RPS6KC1: variants seen among roughly 807,000 people sequenced by gnomAD.
The protein encoded by RPS6KC1 is ribosomal protein S6 kinase C1, also known as inactive ribosomal protein S6 kinase delta-1.
A neutral mutation model predicts 103.8 loss-of-function variants in RPS6KC1; 54 were observed. That is an observed-to-expected ratio of 0.52 (90% CI 0.42 to 0.65). RPS6KC1 has a LOEUF of 0.65. Among genes scored for constraint, RPS6KC1 ranks in the 30% least tolerant of loss-of-function variants. RPS6KC1 has a pLI of 0.00. For synonymous variants in RPS6KC1, 439 were observed against 438.7 expected, an observed-to-expected ratio of 1.00 and a Z score of -0.01; for missense variants, 1,151 against 1,253.8, an observed-to-expected ratio of 0.92 and a Z score of 1.24.
the RPS6KC1 span, among the ~76,000 whole-genome samples, chr1:213,572,192 G>C: frequency 6.6e-6 from 1 of 152,200 alleles, no homozygotes; most frequent in African/African-American, 2.4e-5. Flanking sequence ...GAGAGGTCTC[G>C]GAGGCCAAGC....
At chr1:213,524,587 C>A in the RPS6KC1 span, among the ~76,000 whole-genome samples, 3 of 152,186 alleles carry the variant, frequency 2.0e-5, no homozygotes, top group Admixed American at 2.0e-4. Context: ...AAAGTATGGG[C>A]TTCAGAGTCT....
chr1:213,194,673 T>C (rs1348470101), intron 8 of RPS6KC1, among the ~76,000 whole-genome samples: 6 of 152,186 alleles, frequency 3.9e-5, no homozygotes, highest in Non-Finnish European at 8.8e-5. Flanking sequence ...TAGATTCTCA[T>C]AGGAGCGCAA....
chr1:213,237,543 G>C (rs2094250289), intron 10 of RPS6KC1, among the ~76,000 whole-genome samples: 1 of 151,782 alleles, frequency 6.6e-6, no homozygotes, highest in Non-Finnish European at 1.5e-5. Flanking sequence ...TATTTTTTGA[G>C]AATTATATGT....
rs1348618234 is a variant in RPS6KC1 at position 213,232,117 on chromosome 1, T to C, written c.1093-6T>C. 2.5e-6 allele frequency: 4 copies of C among 1,613,460 alleles called. No individual in the cohort carries two copies. In the African/African-American group the frequency reaches 5.3e-5, roughly 22 times the overall value. ...GGATACAACTGACCTTTTTGTTCTC[T>C]GTCAGGGTCTAAGGAAAAGCAGTGA... On this transcript the variant is annotated splice_region_variant and splice_polypyrimidine_tract_variant and intron_variant, in intron 9 of 14. Transcript: ENST00000366960.
At chr1:213,620,698 T>C in the RPS6KC1 span, among the ~76,000 whole-genome samples, 1 of 152,244 alleles carries the variant, frequency 6.6e-6, no homozygotes, top group Non-Finnish European at 1.5e-5. Context: ...ACATAGTTGT[T>C]ACATTTTTAG....
the RPS6KC1 span, among the ~76,000 whole-genome samples, chr1:213,767,818 T>C: frequency 6.6e-6 from 1 of 152,170 alleles, no homozygotes; most frequent in Non-Finnish European, 1.5e-5. Flanking sequence ...TGGTGCTGGG[T>C]CAGACATCAT....
chr1:213,673,635 G>C, the RPS6KC1 span, among the ~76,000 whole-genome samples: 2 of 150,866 alleles, frequency 1.3e-5, no homozygotes, highest in Admixed American at 6.5e-5. Context: ...GCCTCAAAGA[G>C]AGAGAAGTAC....
At chr1:213,274,810 C>T (rs541386992), downstream of RPS6KC1, 1 of 151,928 alleles carries the variant, frequency 6.6e-6, no homozygotes, top group South Asian at 2.1e-4. Flanking sequence ...GTAAAATATA[C>T]ATAACATAAA....
At chr1:213,312,046 C>T in the RPS6KC1 span, among the ~76,000 whole-genome samples, 655 of 152,036 alleles carry the variant, frequency 4.3e-3, 5 homozygotes, top group African/African-American at 0.015. Context: ...TACAGGTGTG[C>T]GCCACCATGC....
At chr1:213,450,333 A>AC in the RPS6KC1 span, among the ~76,000 whole-genome samples, 1 of 138,054 alleles carries the variant, frequency 7.2e-6, no homozygotes, top group African/African-American at 2.6e-5. Context: ...GAGTTTGTAG[A>AC]TTTTTTTTTT....
the RPS6KC1 span, among the ~76,000 whole-genome samples, chr1:213,290,888 T>A: frequency 6.6e-6 from 1 of 152,176 alleles, no homozygotes. Flanking sequence ...CGTAGATGAT[T>A]CAAAGATAAA....
the RPS6KC1 span, among the ~76,000 whole-genome samples, chr1:213,512,685 C>G: frequency 6.6e-6 from 1 of 152,196 alleles, no homozygotes; most frequent in Non-Finnish European, 1.5e-5. Flanking sequence ...ATGAGGCACA[C>G]TTGTGCTTCA....
At chr1:213,544,385 G>A in the RPS6KC1 span, among the ~76,000 whole-genome samples, 1 of 152,210 alleles carries the variant, frequency 6.6e-6, no homozygotes, top group South Asian at 2.1e-4. Flanking sequence ...AGATTACTAG[G>A]GGTGACTCTT....
At chr1:213,596,580 C>G in the RPS6KC1 span, among the ~76,000 whole-genome samples, 1 of 152,274 alleles carries the variant, frequency 6.6e-6, no homozygotes, top group Non-Finnish European at 1.5e-5. Context: ...TGAGAGAACC[C>G]TGCTGCGCAG....
At chr1:213,065,563 C>T (rs933585553) in intron 1 of RPS6KC1, among the ~76,000 whole-genome samples, 1 of 152,156 alleles carries the variant, frequency 6.6e-6, no homozygotes, top group South Asian at 2.1e-4. Context: ...TTGTGGTTTT[C>T]GTTTCCGTTT....
chr1:213,602,130 CTT>C, the RPS6KC1 span, among the ~76,000 whole-genome samples: 11 of 48,106 alleles, frequency 2.3e-4, no homozygotes, highest in African/African-American at 8.8e-4. Flanking sequence ...CTCTTTCTTT[CTT>C]TCTTTCTTTC....
At chr1:213,749,186 G>A in the RPS6KC1 span, among the ~76,000 whole-genome samples, 1 of 152,322 alleles carries the variant, frequency 6.6e-6, no homozygotes, top group Non-Finnish European at 1.5e-5. Flanking sequence ...TGGCATATGA[G>A]TGTAAATCCT....
chr1:213,115,061 G>A (rs1342482107), intron 4 of RPS6KC1, among the ~76,000 whole-genome samples: 1 of 152,158 alleles, frequency 6.6e-6, no homozygotes, highest in Non-Finnish European at 1.5e-5. Context: ...GATGATGCTG[G>A]CATCATAAAA....
the RPS6KC1 span, among the ~76,000 whole-genome samples, chr1:213,790,330 G>A: frequency 6.6e-6 from 1 of 152,150 alleles, no homozygotes; most frequent in Non-Finnish European, 1.5e-5. Context: ...TGACTTGAGA[G>A]AGCCTACAGT....
Sources: allele counts gnomAD v4.1 joint callset (sites outside exome capture counted in the v4.1 genomes callset), GRCh38; gene constraint gnomAD v4.1.1; transcripts MANE v1.5; gene names NCBI Gene and HGNC (gene_info 2026-07-23, HGNC 2026-07-21).